ARPP21: variants seen among roughly 807,000 people sequenced by gnomAD.
The protein encoded by ARPP21 is cAMP-regulated phosphoprotein 21.
A neutral mutation model predicts 113.2 loss-of-function variants in ARPP21; 69 were observed. The observed-to-expected ratio is 0.61, with a 90% CI of 0.50 to 0.74. The LOEUF (loss-of-function observed/expected upper bound fraction) is 0.74, where lower values mean the gene tolerates loss of function less well. Among genes scored for constraint, ARPP21 ranks in the 30% least tolerant of loss-of-function variants. The pLI is 0.00. For missense variants in ARPP21, 1,070 were observed against 1,037.4 expected, an observed-to-expected ratio of 1.03 and a Z score of -0.43; for synonymous variants, 368 against 375.5, an observed-to-expected ratio of 0.98 and a Z score of 0.23.
chr3:35,712,210 G>T (rs1429331482), intron 11 of ARPP21, among the ~76,000 whole-genome samples: 6 of 152,138 alleles, frequency 3.9e-5, no homozygotes, highest in Admixed American at 6.6e-5. Context: ...CAAATGCAAA[G>T]AATCCAGCAT....
At chr3:35,760,398 G>A (rs1365065063) in intron 19 of ARPP21, among the ~76,000 whole-genome samples, 1 of 152,058 alleles carries the variant, frequency 6.6e-6, no homozygotes, top group South Asian at 2.1e-4. Flanking sequence ...CTGCCATCTG[G>A]CTCTTTCTGC....
At chr3:35,688,880 A>C (rs374890262) in intron 6 of ARPP21, among the ~76,000 whole-genome samples, 1 of 146,742 alleles carries the variant, frequency 6.8e-6, no homozygotes, top group Non-Finnish European at 1.5e-5. Flanking sequence ...CAGAACATTC[A>C]TTTTTTTTTT....
intron 10 of ARPP21, among the ~76,000 whole-genome samples, chr3:35,707,966 G>T (rs915962820): frequency 1.3e-5 from 2 of 151,638 alleles, no homozygotes; most frequent in African/African-American, 2.4e-5. Context: ...TTTTGAAAAT[G>T]ACTTTGCTTT....
chr3:35,691,198 G>A (rs574234219), intron 9 of ARPP21, among the ~76,000 whole-genome samples, 193 bp downstream of exon 9: 3 of 151,710 alleles, frequency 2.0e-5, no homozygotes, highest in Admixed American at 2.0e-4. Flanking sequence ...ATAAAATTCA[G>A]ACAATAAAGT....
chr3:35,740,836 A>T (rs2094609433), intron 18 of ARPP21, among the ~76,000 whole-genome samples: 1 of 152,088 alleles, frequency 6.6e-6, no homozygotes, highest in African/African-American at 2.4e-5. Context: ...AGTGGCTCAG[A>T]CCTTTAACCC....
intron 5 of ARPP21, chr3:35,684,090 A>C: frequency 6.4e-7 from 1 of 1,560,226 alleles, no homozygotes; most frequent in Non-Finnish European, 8.7e-7. Flanking sequence ...AAAAGTAGGC[A>C]CAGTAGTGCT....
chr3:35,695,374 C>T (rs980615881), intron 9 of ARPP21, among the ~76,000 whole-genome samples: 1 of 151,518 alleles, frequency 6.6e-6, no homozygotes, highest in Non-Finnish European at 1.5e-5. Context: ...CTACAACTCA[C>T]CAACAACAGA....
chr3:35,785,796 G>A (rs181076479), intron 19 of ARPP21, among the ~76,000 whole-genome samples: 29 of 152,294 alleles, frequency 1.9e-4, no homozygotes, highest in Non-Finnish European at 3.4e-4. Flanking sequence ...GGTAGGGCCT[G>A]TCACAGCTCC....
chr3:35,646,751 A>G (rs965772226), intron 1 of ARPP21, among the ~76,000 whole-genome samples: 9 of 152,118 alleles, frequency 5.9e-5, no homozygotes, highest in African/African-American at 2.2e-4. Context: ...TATAGGAATG[A>G]TCAAGCTAAC....
chr3:35,694,445 AT>A, intron 9 of ARPP21, among the ~76,000 whole-genome samples: 1 of 151,360 alleles, frequency 6.6e-6, no homozygotes, highest in Middle Eastern at 3.4e-3. Flanking sequence ...ATACATTTTC[AT>A]GAGGTAAATG....
At chr3:35,730,037 A>G (rs1266995472) in intron 15 of ARPP21, among the ~76,000 whole-genome samples, 1 of 152,256 alleles carries the variant, frequency 6.6e-6, no homozygotes, top group African/African-American at 2.4e-5. Flanking sequence ...GCCAGCTCCT[A>G]TGAAAGGAAT....
In ARPP21 at chr3:35,667,849, A is replaced by T. The variant is rs892018932; in HGVS notation, c.-212-11938A>T. On this transcript the variant is annotated intron_variant, in intron 1 of 20. Coordinates refer to ENST00000684406, the MANE Select transcript of ARPP21 (RefSeq NM_001385562.1). Reference sequence around the variant, plus strand: ...GCAGTACTTTTATTCTCAAAGAAGAAGAAGAAGAAGAAGAAGAAGAAGAAG... The same window carrying T: ...GCAGTACTTTTATTCTCAAAGAAGATGAAGAAGAAGAAGAAGAAGAAGAAG... Among the ~76,000 whole-genome samples the T allele has an allele frequency of 7.4e-3, 648 of 87,782 alleles. 22 individuals are homozygous for T. Among genetic ancestry groups the T allele is most frequent in the African/African-American group, 0.034 (508 of 14,972 alleles). 57.6% of individuals were successfully genotyped at this position (87,782 alleles called of 152,430 possible). A position where few individuals can be genotyped will look rare whatever the true frequency, so the allele number is the denominator to read the frequency against.
rs1431623180 is a variant in ARPP21 at position 35,786,261 on chromosome 3, C to T, written c.2138-6121C>T. On this transcript the variant is annotated intron_variant, in intron 19 of 20. Coordinates refer to ENST00000684406, the MANE Select transcript of ARPP21 (RefSeq NM_001385562.1). ...TTACTTGGCCGGGCGTGGTGGTTCACGCCTGTAATCCCGGCACTTTGGGAG... is the reference window on the plus strand; with the variant it reads ...TTACTTGGCCGGGCGTGGTGGTTCATGCCTGTAATCCCGGCACTTTGGGAG... Among the ~76,000 whole-genome samples the T allele has an allele frequency of 7.9e-5, 12 of 152,148 alleles. No individual in the cohort carries two copies. The East Asian group carries it at 2.1e-3, about 27-fold the overall frequency.
chr3:35,673,221 G>A (rs558647248), intron 1 of ARPP21, among the ~76,000 whole-genome samples: 2 of 152,094 alleles, frequency 1.3e-5, no homozygotes, highest in Admixed American at 6.6e-5. Flanking sequence ...GCATACATCC[G>A]TTTCTGCTAA....
chr3:35,759,674 C>CTGTGTGTG (rs1346888304), intron 19 of ARPP21, among the ~76,000 whole-genome samples: 117 of 130,700 alleles, frequency 9.0e-4, no homozygotes, highest in African/African-American at 3.1e-3. Flanking sequence ...CATTTTCTCT[C>CTGTGTGTG]TCTGTGTGTG....
chr3:35,671,402 A>G (rs1014199633), intron 1 of ARPP21, among the ~76,000 whole-genome samples: 2 of 152,198 alleles, frequency 1.3e-5, no homozygotes, highest in African/African-American at 2.4e-5. Flanking sequence ...TGAGGAGAGT[A>G]AGAATGATTT....
Position 35,729,434 on chromosome 3 carries a change from A to C in ARPP21, c.1357A>C (p.Ile453Leu). Residue 453 changes from isoleucine (I) to leucine (L), a missense_variant, in exon 15 of 21, where the codon ATA (isoleucine) becomes CTA (leucine). Physicochemically the swap from Ile to Leu is conservative, Grantham distance 5 (BLOSUM62 2). Transcript: ENST00000684406. ...PGCVPYPENG[I>L]GGQVAPSSTS... ...CTGTGTGCCTTATCCAGAGAATGGAATAGGGGGCCAGGTTGCTCCCAGCAG... is the reference window on the plus strand; with the variant it reads ...CTGTGTGCCTTATCCAGAGAATGGACTAGGGGGCCAGGTTGCTCCCAGCAG... 1.2e-6 allele frequency: 2 copies of C among 1,614,150 alleles called. No individual in the cohort carries two copies. The highest frequency in any genetic ancestry group is 1.1e-5 in the South Asian group (1 of 91,088).
At chr3:35,684,652 C>G in intron 5 of ARPP21, 1 of 985,290 alleles carries the variant, frequency 1.0e-6, no homozygotes, top group Non-Finnish European at 1.2e-6. Flanking sequence ...ATTAAGATAT[C>G]ATTATTTTTG....
At chr3:35,692,741 C>T (rs79791349) in intron 9 of ARPP21, among the ~76,000 whole-genome samples, 41 of 151,626 alleles carry the variant, frequency 2.7e-4, no homozygotes, top group Middle Eastern at 3.4e-3. Flanking sequence ...CTGATCTGCC[C>T]GGTATGGTAG....
Sources: allele counts gnomAD v4.1 joint callset (sites outside exome capture counted in the v4.1 genomes callset), GRCh38; gene constraint gnomAD v4.1.1; transcripts MANE v1.5; gene names NCBI Gene and HGNC (gene_info 2026-07-23, HGNC 2026-07-21).